The following GPC5 variants were observed in gnomAD, a reference collection of about 807,000 sequenced individuals.
GPC5 encodes glypican 5.
A neutral mutation model predicts 53.9 loss-of-function variants in GPC5; 47 were observed. The observed-to-expected ratio is 0.87, with a 90% CI of 0.69 to 1.11. The LOEUF is 1.11. GPC5 is among the 50% of genes most tolerant of loss of function. The probability of loss-of-function intolerance (pLI) is 0.00; values close to 1 mark genes in which losing one functional copy is unlikely to be tolerated. For missense variants in GPC5, 748 were observed against 713.1 expected (o/e 1.05, Z -0.56); for synonymous variants, 286 against 263.3 (o/e 1.09, Z -0.84).
intron 7 of GPC5, among the ~76,000 whole-genome samples, chr13:92,229,454 C>A (rs2042513855): frequency 6.6e-6 from 1 of 151,974 alleles, no homozygotes; most frequent in Non-Finnish European, 1.5e-5. Flanking sequence ...AATATCTATA[C>A]TTAATATTCC....
chr13:91,978,166 T>C (rs1464971824), intron 6 of GPC5, among the ~76,000 whole-genome samples: 1 of 152,174 alleles, frequency 6.6e-6, no homozygotes, highest in Non-Finnish European at 1.5e-5. Flanking sequence ...GAGACTTACA[T>C]TAAATTTGTA....
At chr13:91,584,641 C>A (rs981060085) in intron 2 of GPC5, among the ~76,000 whole-genome samples, 3 of 151,742 alleles carry the variant, frequency 2.0e-5, no homozygotes, top group Non-Finnish European at 4.4e-5. Flanking sequence ...TGCAATGGCG[C>A]AATCTTGGCT....
chr13:92,803,932 G>A (rs1362391062), intron 7 of GPC5, among the ~76,000 whole-genome samples: 2 of 151,900 alleles, frequency 1.3e-5, no homozygotes, highest in African/African-American at 4.8e-5. Flanking sequence ...GTACAAGGCA[G>A]CTCAAAGAAT....
intron 7 of GPC5, among the ~76,000 whole-genome samples, chr13:92,348,285 T>C (rs1204768449): frequency 1.3e-5 from 2 of 151,598 alleles, no homozygotes; most frequent in Non-Finnish European, 1.5e-5. Context: ...AGATATTCCA[T>C]GCAAATGAAA....
At chr13:91,838,156 G>A (rs2038743344) in intron 5 of GPC5, among the ~76,000 whole-genome samples, 2 of 152,128 alleles carry the variant, frequency 1.3e-5, no homozygotes, top group Admixed American at 1.3e-4. Flanking sequence ...GTGATAAACT[G>A]TGGATGAAAC....
At chr13:92,729,783 C>A (rs1594460790) in intron 7 of GPC5, among the ~76,000 whole-genome samples, 1 of 150,460 alleles carries the variant, frequency 6.6e-6, no homozygotes, top group African/African-American at 2.5e-5. Context: ...ATTTATCCTG[C>A]AATTTTTTTT....
At chr13:92,787,177 TA>T in intron 7 of GPC5, among the ~76,000 whole-genome samples, 1 of 151,698 alleles carries the variant, frequency 6.6e-6, no homozygotes, top group South Asian at 2.1e-4. Flanking sequence ...AAACTAAAAG[TA>T]AGTAAAACAA....
intron 7 of GPC5, among the ~76,000 whole-genome samples, chr13:92,777,970 A>G (rs1594500284): frequency 6.6e-6 from 1 of 152,312 alleles, no homozygotes; most frequent in East Asian, 1.9e-4. Flanking sequence ...GAAATGGTAC[A>G]CACAAAAATA....
At chr13:92,000,994 T>C (rs1228668283) in intron 6 of GPC5, among the ~76,000 whole-genome samples, 5 of 149,402 alleles carry the variant, frequency 3.3e-5, no homozygotes, top group Admixed American at 6.6e-5. Flanking sequence ...CTTAGCTGTA[T>C]TGGCTTTCAC....
intron 3 of GPC5, among the ~76,000 whole-genome samples, chr13:91,720,241 C>T (rs2036434846): frequency 6.6e-6 from 1 of 152,130 alleles, no homozygotes; most frequent in Non-Finnish European, 1.5e-5. Flanking sequence ...ATCTCTTGCA[C>T]CCCCACTGAT....
chr13:91,728,466 A>T, intron 3 of GPC5, 66 bp from the exon 4 acceptor site: 1 of 1,509,890 alleles, frequency 6.6e-7, no homozygotes, highest in Non-Finnish European at 9.0e-7. Flanking sequence ...GGCCCTATGA[A>T]ACATCACATT....
intron 7 of GPC5, among the ~76,000 whole-genome samples, chr13:92,193,803 G>T (rs1257590409): frequency 6.6e-6 from 1 of 152,130 alleles, no homozygotes; most frequent in Non-Finnish European, 1.5e-5. Flanking sequence ...TCTTTCAAGA[G>T]GCTTTTATTG....
At chr13:92,429,778 T>A (rs914181279) in intron 7 of GPC5, among the ~76,000 whole-genome samples, 1 of 152,102 alleles carries the variant, frequency 6.6e-6, no homozygotes. Flanking sequence ...TTAAGGTCTA[T>A]TTATGCAATG....
Position 92,184,322 on chromosome 13 carries a change from ATCT to A in GPC5, c.1561+39337_1561+39339del, listed in dbSNP as rs572400142. ...ACCTCCTTCAAAATCTATTTTAAAA[ATCT>A]TCTCCAGAGTCAGGAGAGCACACAA... On this transcript the variant is annotated intron_variant, in intron 7 of 7. Coordinates refer to ENST00000377067, the MANE Select transcript of GPC5 (RefSeq NM_004466.6). Among the ~76,000 whole-genome samples, 528 of 152,296 alleles carry A rather than the reference ATCT, an allele frequency of 3.5e-3. 3 individuals are homozygous for A. Among genetic ancestry groups the A allele is most frequent in the African/African-American group, 0.012 (507 of 41,564 alleles).
At chr13:92,614,060 A>T (rs1884596868) in intron 7 of GPC5, among the ~76,000 whole-genome samples, 1 of 152,136 alleles carries the variant, frequency 6.6e-6, no homozygotes, top group Non-Finnish European at 1.5e-5. Flanking sequence ...CTTTCTAAGA[A>T]GAATGATTTT....
chr13:92,247,294 C>A (rs1006924164), intron 7 of GPC5, among the ~76,000 whole-genome samples: 2 of 152,040 alleles, frequency 1.3e-5, no homozygotes, highest in Non-Finnish European at 2.9e-5. Flanking sequence ...CCTTATGAGA[C>A]CTCCATGAAG....
At chr13:92,016,651 A>T (rs2040709909) in intron 6 of GPC5, among the ~76,000 whole-genome samples, 2 of 152,144 alleles carry the variant, frequency 1.3e-5, no homozygotes, top group South Asian at 4.1e-4. Flanking sequence ...GTGGTTTCAT[A>T]TTTGAGTGTT....
intron 7 of GPC5, among the ~76,000 whole-genome samples, chr13:92,489,786 T>G (rs1427918703): frequency 6.6e-6 from 1 of 151,898 alleles, no homozygotes; most frequent in African/African-American, 2.4e-5. Context: ...CAGACAGAGC[T>G]GGGACTAAGG....
intron 7 of GPC5, among the ~76,000 whole-genome samples, chr13:92,666,574 A>T (rs1886572878): frequency 6.6e-6 from 1 of 152,208 alleles, no homozygotes; most frequent in Admixed American, 6.5e-5. Flanking sequence ...CAGTTTAGTA[A>T]ATTGATGTGT....
Sources: gnomAD v4.1 joint callset for allele counts (sites outside exome capture counted in the v4.1 genomes callset) on GRCh38, gnomAD v4.1.1 for gene constraint, MANE v1.5 for transcripts, NCBI Gene and HGNC (gene_info 2026-07-23, HGNC 2026-07-21) for gene names.